Variants in DLG2 observed in about 807,000 individuals in gnomAD.
The protein encoded by DLG2 is disks large homolog 2.
Under a neutral mutation model 132.5 loss-of-function variants are expected in DLG2, and 45 were observed. The ratio of observed to expected loss-of-function variants is 0.34; its 90% CI spans 0.27 to 0.44. The LOEUF is 0.44. Among genes scored for constraint, DLG2 ranks in the 20% least tolerant of loss-of-function variants. DLG2 has a pLI of 1.00. For synonymous variants in DLG2, 424 were observed against 419.6 expected, an observed-to-expected ratio of 1.01 and a Z score of -0.13; for missense variants, 1,045 against 1,196.9, an observed-to-expected ratio of 0.87 and a Z score of 1.87.
intron 21 of DLG2, among the ~76,000 whole-genome samples, chr11:83,500,022 C>A (rs2094387479): frequency 1.3e-5 from 2 of 150,860 alleles, no homozygotes; most frequent in Admixed American, 1.3e-4. Context: ...ATGATCTATT[C>A]TTTAATATTT....
chr11:85,230,093 C>T (rs2075214529), intron 4 of DLG2, among the ~76,000 whole-genome samples: 3 of 152,032 alleles, frequency 2.0e-5, no homozygotes, highest in Non-Finnish European at 4.4e-5. Context: ...CAAAATTGCA[C>T]ATTCTGCACA....
At chr11:84,175,362 CT>C (rs1335131499) in intron 8 of DLG2, among the ~76,000 whole-genome samples, 2 of 152,004 alleles carry the variant, frequency 1.3e-5, no homozygotes, top group Admixed American at 1.3e-4. Context: ...ATGTTTGCCC[CT>C]AGTAGCCGCA....
At chr11:83,819,781 GACCCC>G (rs2050227365) in intron 17 of DLG2, among the ~76,000 whole-genome samples, 1 of 152,016 alleles carries the variant, frequency 6.6e-6, no homozygotes, top group Non-Finnish European at 1.5e-5. Flanking sequence ...ACCTTTTCCT[GACCCC>G]TCTATTTCTC....
rs77927742 is a variant in DLG2 at position 83,551,733 on chromosome 11, A to G, written c.1941-9875T>C. 2.3e-3 allele frequency among the ~76,000 whole-genome samples: 356 copies of G among 152,288 alleles called. 3 individuals carry two copies. Among genetic ancestry groups the G allele is most frequent in the African/African-American group, 7.3e-3 (303 of 41,568 alleles). Reference sequence around the variant, plus strand: ...TATCACCTGTTGACTAGAGATAGAGAGGACATATGGTTCCTTACTCACCCA... The same window carrying G: ...TATCACCTGTTGACTAGAGATAGAGGGGACATATGGTTCCTTACTCACCCA... On this transcript the variant is annotated intron_variant, in intron 19 of 27. Coordinates refer to ENST00000376104, the MANE Select transcript of DLG2 (RefSeq NM_001142699.3).
At chr11:84,527,118 G>A (rs1000524992) in intron 7 of DLG2, among the ~76,000 whole-genome samples, 2 of 152,058 alleles carry the variant, frequency 1.3e-5, no homozygotes, top group African/African-American at 4.8e-5. Context: ...AGATAAGTGG[G>A]GACTACTGTA....
At chr11:84,967,582 G>A (rs2053521203) in intron 6 of DLG2, among the ~76,000 whole-genome samples, 1 of 152,020 alleles carries the variant, frequency 6.6e-6, no homozygotes, top group African/African-American at 2.4e-5. Flanking sequence ...GAAAAAGTTG[G>A]ACCTTTATTT....
chr11:84,635,151 G>A (rs1270182550), intron 6 of DLG2, among the ~76,000 whole-genome samples: 1 of 152,236 alleles, frequency 6.6e-6, no homozygotes, highest in Non-Finnish European at 1.5e-5. Context: ...CCAGGCAGCG[G>A]GAATTTCAGA....
At chr11:84,003,369 A>G (rs2154050896) in intron 11 of DLG2, among the ~76,000 whole-genome samples, 1 of 152,248 alleles carries the variant, frequency 6.6e-6, no homozygotes, top group South Asian at 2.1e-4. Flanking sequence ...TTATAGCAGC[A>G]CCCCACTCCT....
chr11:85,504,611 T>C (rs1349241568), intron 3 of DLG2, among the ~76,000 whole-genome samples: 2 of 152,230 alleles, frequency 1.3e-5, no homozygotes, highest in Admixed American at 6.5e-5. Flanking sequence ...TTTTGGTTAC[T>C]GCAGCCTTGT....
At chr11:85,366,924 T>C (rs2084602576) in intron 3 of DLG2, among the ~76,000 whole-genome samples, 1 of 152,156 alleles carries the variant, frequency 6.6e-6, no homozygotes, top group South Asian at 2.1e-4. Flanking sequence ...GATGTCATGA[T>C]GTCATTTCAA....
intron 15 of DLG2, among the ~76,000 whole-genome samples, chr11:83,901,975 C>G (rs1240811729): frequency 6.6e-6 from 1 of 152,196 alleles, no homozygotes; most frequent in Middle Eastern, 3.4e-3. Flanking sequence ...AATATTATTA[C>G]TATTATTACT....
At chr11:83,882,771 G>A (rs2066639405) in intron 15 of DLG2, among the ~76,000 whole-genome samples, 1 of 152,120 alleles carries the variant, frequency 6.6e-6, no homozygotes, top group Admixed American at 6.5e-5. Context: ...GGATGTGCAG[G>A]GTAGGAAAAG....
At chr11:84,246,825 G>A (rs2097308469) in intron 8 of DLG2, among the ~76,000 whole-genome samples, 1 of 152,180 alleles carries the variant, frequency 6.6e-6, no homozygotes, top group Non-Finnish European at 1.5e-5. Context: ...GCAGCCTGAA[G>A]CAGCTGTCCT....
At chr11:83,982,626 C>T (rs1426316272) in intron 11 of DLG2, among the ~76,000 whole-genome samples, 1 of 151,836 alleles carries the variant, frequency 6.6e-6, no homozygotes, top group Non-Finnish European at 1.5e-5. Flanking sequence ...TTACAGTGAG[C>T]TAAGGTTAAT....
At chr11:85,283,536 T>C (rs887806187) in intron 4 of DLG2, among the ~76,000 whole-genome samples, 1 of 150,976 alleles carries the variant, frequency 6.6e-6, no homozygotes, top group Non-Finnish European at 1.5e-5. Context: ...TAAACTGCTC[T>C]TTCAAAGCAA....
intron 12 of DLG2, among the ~76,000 whole-genome samples, chr11:83,976,711 G>A (rs1010366115): frequency 1.8e-4 from 28 of 151,708 alleles, no homozygotes; most frequent in African/African-American, 6.8e-4. Context: ...CCTTACATAA[G>A]AGAGGAGAGA....
intron 6 of DLG2, among the ~76,000 whole-genome samples, chr11:84,694,600 CT>C (rs1464613122): frequency 6.6e-6 from 1 of 151,354 alleles, no homozygotes; most frequent in Non-Finnish European, 1.5e-5. Flanking sequence ...ATCCTACAAA[CT>C]TTTTTACTGG....
chr11:84,593,571 CT>C (rs1446250499), intron 6 of DLG2, among the ~76,000 whole-genome samples: 1 of 152,156 alleles, frequency 6.6e-6, no homozygotes, highest in Non-Finnish European at 1.5e-5. Context: ...ACCACATGTT[CT>C]CATTCATAAG....
At chr11:84,156,666 G>A (rs2095435480) in intron 9 of DLG2, among the ~76,000 whole-genome samples, 2 of 152,278 alleles carry the variant, frequency 1.3e-5, no homozygotes, top group Admixed American at 6.5e-5. Flanking sequence ...ACTGACTTTT[G>A]TTAGTCATTA....
Sources: allele counts gnomAD v4.1 joint callset (sites outside exome capture counted in the v4.1 genomes callset), GRCh38; gene constraint gnomAD v4.1.1; transcripts MANE v1.5; gene names NCBI Gene and HGNC (gene_info 2026-07-23, HGNC 2026-07-21).